The following GRID1 variants were observed in gnomAD, a reference collection of about 807,000 sequenced individuals.
GRID1 encodes glutamate ionotropic receptor delta type subunit 1.
GRID1 carries 28 observed loss-of-function variants against 98.0 expected under a neutral mutation model. The ratio of observed to expected loss-of-function variants is 0.29; its 90% CI spans 0.21 to 0.39. The LOEUF (loss-of-function observed/expected upper bound fraction) is 0.39, where lower values mean the gene tolerates loss of function less well. GRID1 is among the 10% of genes least tolerant of loss of function. GRID1 has a pLI of 1.00. For synonymous variants in GRID1, 553 were observed against 538.5 expected (o/e 1.03, Z -0.37); for missense variants, 1,111 against 1,340.5 (o/e 0.83, Z 2.67).
intron 2 of GRID1, among the ~76,000 whole-genome samples, chr10:86,287,555 G>T (rs1847449847): frequency 6.6e-6 from 1 of 152,078 alleles, no homozygotes; most frequent in African/African-American, 2.4e-5. Flanking sequence ...CAATACTCAG[G>T]CCAACCTGCC....
At chr10:86,224,893 T>C (rs1171502948) in intron 2 of GRID1, among the ~76,000 whole-genome samples, 1 of 152,172 alleles carries the variant, frequency 6.6e-6, no homozygotes, top group African/African-American at 2.4e-5. Flanking sequence ...GCCGGGGCAT[T>C]ATCACTCTGA....
chr10:86,052,988 C>T (rs1471291398), intron 4 of GRID1, among the ~76,000 whole-genome samples: 2 of 152,142 alleles, frequency 1.3e-5, no homozygotes, highest in African/African-American at 4.8e-5. Flanking sequence ...AGCTGTACCT[C>T]ACACACAAAT....
chr10:86,296,179 G>A (rs544001928), intron 2 of GRID1, among the ~76,000 whole-genome samples: 16 of 152,310 alleles, frequency 1.1e-4, no homozygotes, highest in African/African-American at 3.9e-4. Flanking sequence ...CAGTCCCAGT[G>A]GCTCACCGTT....
At chr10:85,756,914 C>G (rs1413975992) in intron 8 of GRID1, among the ~76,000 whole-genome samples, 2 of 152,180 alleles carry the variant, frequency 1.3e-5, no homozygotes, top group African/African-American at 4.8e-5. Flanking sequence ...GGCACCATTA[C>G]TGATTCCCTG....
intron 14 of GRID1, 61 bp downstream of exon 14, chr10:85,619,806 C>T (rs1842836957): frequency 4.5e-6 from 6 of 1,328,158 alleles, no homozygotes; most frequent in Non-Finnish European, 5.4e-6. Context: ...AGAGGTTATT[C>T]TCCTACCCTT....
intron 2 of GRID1, among the ~76,000 whole-genome samples, chr10:86,320,959 G>T (rs1191358878): frequency 6.6e-6 from 1 of 152,040 alleles, no homozygotes; most frequent in Non-Finnish European, 1.5e-5. Context: ...AATTGGCTGG[G>T]CGTGGTGGTG....
At chr10:85,709,375 G>T (rs1305405173) in intron 12 of GRID1, among the ~76,000 whole-genome samples, 9 of 152,202 alleles carry the variant, frequency 5.9e-5, no homozygotes, top group Admixed American at 2.0e-4. Flanking sequence ...AAAAATATTT[G>T]ATTCAGACAG....
At chr10:85,608,080 T>C (rs1375167112) in intron 15 of GRID1, among the ~76,000 whole-genome samples, 1 of 152,174 alleles carries the variant, frequency 6.6e-6, no homozygotes, top group East Asian at 1.9e-4. Context: ...CTTCCCAAAG[T>C]GCTGGGATTA....
At chr10:85,609,667 C>T (rs1251815474) in intron 15 of GRID1, among the ~76,000 whole-genome samples, 1 of 152,216 alleles carries the variant, frequency 6.6e-6, no homozygotes, top group Admixed American at 6.5e-5. Flanking sequence ...CCACCCTGGC[C>T]TCAGCCAGCT....
chr10:86,248,054 C>G (rs1846760288), intron 2 of GRID1, among the ~76,000 whole-genome samples: 1 of 152,252 alleles, frequency 6.6e-6, no homozygotes, highest in South Asian at 2.1e-4. Context: ...ATAGAGGGAG[C>G]TGCCCACCCC....
At chr10:85,724,799 G>T in intron 10 of GRID1, 123 bp from the exon 11 acceptor site, 2 of 671,072 alleles carry the variant, frequency 3.0e-6, no homozygotes, top group South Asian at 4.0e-5. Context: ...TTTGAGAGCT[G>T]GCACCCTGAG....
In GRID1 at chr10:86,213,679, G is replaced by A. The variant is rs571095624; in HGVS notation, c.236-7031C>T. Among the ~76,000 whole-genome samples the A allele has an allele frequency of 2.6e-5, 4 of 152,006 alleles. No individual in the cohort carries two copies. The South Asian group carries it at 8.3e-4, about 32-fold the overall frequency. On this transcript the variant is annotated intron_variant, in intron 2 of 15. Coordinates refer to ENST00000327946, the MANE Select transcript of GRID1 (RefSeq NM_017551.3). ...ACCCACCCCACTGAACACTAAGCCC[G>A]GCCCTATTGAGGGCTCTACCGTTAT... is the stretch of plus-strand genomic sequence containing the variant.
intron 4 of GRID1, among the ~76,000 whole-genome samples, chr10:86,114,406 T>C (rs1171714223): frequency 6.6e-6 from 1 of 152,170 alleles, no homozygotes; most frequent in Non-Finnish European, 1.5e-5. Flanking sequence ...ACTGTTCCTC[T>C]GCCAGTGCTC....
chr10:86,096,253 T>A (rs940716272), intron 4 of GRID1, among the ~76,000 whole-genome samples: 5 of 152,124 alleles, frequency 3.3e-5, no homozygotes, highest in Admixed American at 3.3e-4. Context: ...AGTGTATACA[T>A]GGATGATGGG....
chr10:86,057,527 C>CTG (rs1472879927), intron 4 of GRID1, among the ~76,000 whole-genome samples: 1 of 152,200 alleles, frequency 6.6e-6, no homozygotes, highest in African/African-American at 2.4e-5. Flanking sequence ...TCAACCTTTG[C>CTG]CTACTCCATT....
intron 5 of GRID1, among the ~76,000 whole-genome samples, chr10:85,904,404 G>C (rs1841431060): frequency 6.6e-6 from 1 of 152,138 alleles, no homozygotes; most frequent in South Asian, 2.1e-4. Flanking sequence ...GCAGAACCCA[G>C]TGGACTCCAT....
chr10:85,904,277 T>C (rs922573938), intron 5 of GRID1, among the ~76,000 whole-genome samples: 3 of 151,988 alleles, frequency 2.0e-5, no homozygotes, highest in Admixed American at 6.6e-5. Context: ...CACTGGAAAA[T>C]AGGCAATGAA....
At chr10:85,772,530 A>G (rs532055631) in intron 8 of GRID1, among the ~76,000 whole-genome samples, 226 of 152,286 alleles carry the variant, frequency 1.5e-3, no homozygotes, top group Non-Finnish European at 2.8e-3. Flanking sequence ...TAATGAATCC[A>G]GGAGCTGGTT....
chr10:85,772,240 T>G (rs9794335), intron 8 of GRID1, among the ~76,000 whole-genome samples: 2 of 151,450 alleles, frequency 1.3e-5, no homozygotes, highest in South Asian at 4.2e-4. Context: ...CATAACGAAA[T>G]GAAGGCAGAA....
Sources: gnomAD v4.1 joint callset for allele counts (sites outside exome capture counted in the v4.1 genomes callset) on GRCh38, gnomAD v4.1.1 for gene constraint, MANE v1.5 for transcripts, NCBI Gene and HGNC (gene_info 2026-07-23, HGNC 2026-07-21) for gene names.